Variants in BRINP2 observed in about 807,000 individuals in gnomAD.
The protein encoded by BRINP2 is BMP/retinoic acid inducible neural specific 2.
A neutral mutation model predicts 69.2 loss-of-function variants in BRINP2; 21 were observed. The ratio of observed to expected loss-of-function variants is 0.30; its 90% confidence interval spans 0.22 to 0.44. The LOEUF (loss-of-function observed/expected upper bound fraction) is 0.44. Among genes scored for constraint, BRINP2 ranks in the 20% least tolerant of loss-of-function variants. The probability of loss-of-function intolerance (pLI) is 1.00; values close to 1 mark genes in which losing one functional copy is unlikely to be tolerated. For synonymous variants in BRINP2, 380 were observed against 394.1 expected (o/e 0.96, Z 0.42); for missense variants, 877 against 986.0 (o/e 0.89, Z 1.48).
Position 177,276,627 on chromosome 1 carries a change from T to C in BRINP2, c.1012+193T>C, listed in dbSNP as rs1156409858. ...AGTGGTTTCATTTTTTTCTAGGACA[T>C]TGGTATTATGTCCATTTACATAGGT... On this transcript the variant is annotated intron_variant, in intron 6 of 7. Transcript: ENST00000361539. Among the ~76,000 whole-genome samples, 3 of 152,198 alleles carry C rather than the reference T, an allele frequency of 2.0e-5. No individual in the cohort carries two copies. In the East Asian group the frequency reaches 5.8e-4, roughly 29 times the overall value.
chr1:177,236,533 T>A (rs1650033755), intron 2 of BRINP2, among the ~76,000 whole-genome samples: 1 of 152,244 alleles, frequency 6.6e-6, no homozygotes, highest in Non-Finnish European at 1.5e-5. Context: ...ATTATTGCAC[T>A]AGATTCTGAT....
In BRINP2 at chr1:177,276,431, T is replaced by G; in HGVS notation, c.1009T>G (p.Ser337Ala). 6.2e-7 allele frequency: 1 copy of G among 1,613,618 alleles called. No individual in the cohort carries two copies. Among genetic ancestry groups the G allele is most frequent in the Non-Finnish European group, 8.5e-7 (1 of 1,179,822 alleles). The stretch of plus-strand genomic sequence containing the variant: ...CACTCACAACCGGCAGTTTGAAGAG[T>G]CAGGTGAGCAGCCAGAATTCCTCCC... ...WATHNRQFEE[S>A]EEFQALLKRL... The change falls in exon 6 of 8, where the codon TCA becomes GCA. Residue 337 changes from serine (S) to alanine (A), a missense_variant. By Grantham distance (99) the Ser-to-Ala change is moderately conservative (BLOSUM62 1). Transcript: ENST00000361539.
In BRINP2 at chr1:177,266,436, G is replaced by A. The variant is rs528322870; in HGVS notation, c.670-7052G>A. 5.9e-5 allele frequency among the ~76,000 whole-genome samples: 9 copies of A among 152,006 alleles called. No individual in the cohort carries two copies. In the South Asian group the frequency reaches 1.9e-3, roughly 32 times the overall value. On this transcript the variant is annotated intron_variant, in intron 4 of 7. Coordinates refer to ENST00000361539, the MANE Select transcript of BRINP2 (RefSeq NM_021165.4). ...GTAATGCTTGTCTGTTCACCTGAAT[G>A]GCTCCCCCTCACCCTTTGCTCAGCT... is the stretch of plus-strand genomic sequence containing the variant.
chr1:177,189,417 A>C (rs12117541), intron 1 of BRINP2, among the ~76,000 whole-genome samples: 59,153 of 151,972 alleles, frequency 0.39, 11,837 homozygotes, highest in South Asian at 0.48. Context: ...GCCCCTGTCC[A>C]CAGTGAATGT....
chr1:177,260,251 C>G (rs1650902048), intron 4 of BRINP2, among the ~76,000 whole-genome samples: 1 of 152,076 alleles, frequency 6.6e-6, no homozygotes, highest in Non-Finnish European at 1.5e-5. Context: ...AAACGTAGAG[C>G]CTGAAGATGT....
intron 2 of BRINP2, 89 bp from the exon 3 acceptor site, chr1:177,255,830 G>A: frequency 3.0e-6 from 4 of 1,351,564 alleles, no homozygotes; most frequent in Non-Finnish European, 4.1e-6. Flanking sequence ...GTGGCTGCAA[G>A]TGGAGGAAGA....
chr1:177,278,612 C>A lies in BRINP2; in HGVS notation c.1062C>A (p.Asn354Lys). The part of the protein sequence containing the change: ...LKRLPDDRFL[N>K]STAISQFWAM... Reference sequence around the variant, plus strand: ...GGCTGCCCGATGACCGGTTCCTGAACTCCACAGCTATCTCCCAGTTCTGGG... The same window carrying A: ...GGCTGCCCGATGACCGGTTCCTGAAATCCACAGCTATCTCCCAGTTCTGGG... Residue 354 changes from asparagine (N) to lysine (K), a missense_variant, in exon 7 of 8, where the codon AAC (asparagine) becomes AAA (lysine). Physicochemically the swap from Asn to Lys is moderately conservative, Grantham distance 94. This residue lies in a region of BRINP2 where 566 missense variants were observed against 625.2 expected (regional missense o/e 0.91). Coordinates refer to ENST00000361539, the MANE Select transcript of BRINP2 (RefSeq NM_021165.4). The A allele has an allele frequency of 6.2e-7, 1 of 1,614,220 alleles. No individual in the cohort carries two copies. Among genetic ancestry groups the A allele is most frequent in the East Asian group, 2.2e-5 (1 of 44,870 alleles).
rs748913724 is a variant in BRINP2 at position 177,257,325 on chromosome 1, G to T, written c.610G>T (p.Asp204Tyr). ...CCAGCTGGCCGCCTCCTACTTCATC[G>T]ACAGAGAGAGCACGCTGCGACGGCT... ...LHQLAASYFI[D>Y]RESTLRRLHH... The change falls in exon 4 of 8, where the codon GAC becomes TAC. Residue 204 changes from aspartate to tyrosine, a missense_variant. Asp to Tyr is a radical substitution (Grantham distance 160). Coordinates refer to ENST00000361539, the MANE Select transcript of BRINP2 (RefSeq NM_021165.4). The T allele has an allele frequency of 2.5e-6, 4 of 1,613,988 alleles. No individual in the cohort carries two copies. Among genetic ancestry groups the T allele is most frequent in the Non-Finnish European group, 3.4e-6 (4 of 1,180,000 alleles).
intron 1 of BRINP2, among the ~76,000 whole-genome samples, chr1:177,214,580 T>TC (rs1172567008): frequency 1.3e-5 from 2 of 152,172 alleles, no homozygotes; most frequent in African/African-American, 4.8e-5. Context: ...CAAGTACCCT[T>TC]CATTTGGCAC....
At chr1:177,250,573 C>T (rs1040411792) in intron 2 of BRINP2, among the ~76,000 whole-genome samples, 1 of 152,240 alleles carries the variant, frequency 6.6e-6, no homozygotes, top group African/African-American at 2.4e-5. Context: ...GATCCACCCG[C>T]CTTGGCCTCC....
At chr1:177,264,841 G>A (rs1487778668) in intron 4 of BRINP2, among the ~76,000 whole-genome samples, 1 of 152,176 alleles carries the variant, frequency 6.6e-6, no homozygotes, top group Admixed American at 6.5e-5. Context: ...CATGCTCATG[G>A]ATAGGAAGAA....
At chr1:177,253,267 G>A (rs1650638984) in intron 2 of BRINP2, among the ~76,000 whole-genome samples, 2 of 151,936 alleles carry the variant, frequency 1.3e-5, no homozygotes, top group African/African-American at 2.4e-5. Flanking sequence ...ACATTTCACT[G>A]TGCATTTGAT....
intron 2 of BRINP2, among the ~76,000 whole-genome samples, chr1:177,232,043 G>A (rs1429625458): frequency 6.6e-6 from 1 of 152,198 alleles, no homozygotes; most frequent in East Asian, 1.9e-4. Context: ...CTCCAGTCCA[G>A]TAAAATAAGA....
intron 2 of BRINP2, among the ~76,000 whole-genome samples, chr1:177,242,815 G>A (rs1328725688): frequency 1.3e-5 from 2 of 152,180 alleles, no homozygotes; most frequent in African/African-American, 4.8e-5. Flanking sequence ...AGTAGGAGTA[G>A]GATGTTCTGG....
chr1:177,192,275 A>G (rs1648616873), intron 1 of BRINP2, among the ~76,000 whole-genome samples: 1 of 152,162 alleles, frequency 6.6e-6, no homozygotes, highest in Admixed American at 6.5e-5. Context: ...GAAAGGGTTG[A>G]CTTTTTGTGG....
At chr1:177,260,656 C>T (rs550770256) in intron 4 of BRINP2, among the ~76,000 whole-genome samples, 1 of 152,316 alleles carries the variant, frequency 6.6e-6, no homozygotes, top group Non-Finnish European at 1.5e-5. Context: ...AACATCAAGG[C>T]AGGACACTCC....
intron 2 of BRINP2, among the ~76,000 whole-genome samples, chr1:177,239,538 T>C (rs986696042): frequency 1.3e-5 from 2 of 152,236 alleles, no homozygotes; most frequent in African/African-American, 4.8e-5. Flanking sequence ...AGGTACTGAT[T>C]TGTAAACACA....
chr1:177,219,660 A>G (rs961488406), intron 1 of BRINP2, among the ~76,000 whole-genome samples: 2 of 152,220 alleles, frequency 1.3e-5, no homozygotes, highest in African/African-American at 4.8e-5. Context: ...GCCAAGGTCC[A>G]AATAGGGCAG....
chr1:177,205,897 G>C (rs1314329791), intron 1 of BRINP2, among the ~76,000 whole-genome samples: 5 of 152,208 alleles, frequency 3.3e-5, no homozygotes, highest in African/African-American at 9.6e-5. Context: ...CCCTTGCATA[G>C]GCCCCTCCCA....
Sources: gnomAD v4.1 joint callset for allele counts (sites outside exome capture counted in the v4.1 genomes callset) on GRCh38, gnomAD v4.1.1 for gene constraint, gnomAD v4.1.1 regional missense constraint, MANE v1.5 for transcripts, NCBI Gene and HGNC (gene_info 2026-07-23, HGNC 2026-07-21) for gene names.